The following DIS3L2 variants were observed in gnomAD, a reference collection of about 807,000 sequenced individuals.
The protein encoded by DIS3L2 is DIS3 like 3'-5' exoribonuclease 2.
A neutral mutation model predicts 97.5 loss-of-function variants in DIS3L2; 34 were observed. The observed-to-expected ratio is 0.35, with a 90% confidence interval of 0.27 to 0.46. DIS3L2 has a LOEUF of 0.46. Among genes scored for constraint, DIS3L2 ranks in the 20% least tolerant of loss-of-function variants. DIS3L2 has a pLI of 1.00. For synonymous variants in DIS3L2, 435 were observed against 445.2 expected (o/e 0.98, Z 0.29); for missense variants, 1,038 against 1,146.0 (o/e 0.91, Z 1.36).
intron 5 of DIS3L2, among the ~76,000 whole-genome samples, chr2:232,059,172 A>G (rs1200381757): frequency 6.6e-6 from 1 of 152,226 alleles, no homozygotes; most frequent in Non-Finnish European, 1.5e-5. Context: ...TAATTTTCAG[A>G]AGAATTCTTG....
intron 10 of DIS3L2, among the ~76,000 whole-genome samples, chr2:232,224,784 G>A (rs1214463925): frequency 3.3e-5 from 5 of 151,206 alleles, no homozygotes; most frequent in South Asian, 4.2e-4. Flanking sequence ...GTTGCAGTGC[G>A]TTGAGATTGC....
At chr2:231,992,148 A>C (rs542523227) in intron 1 of DIS3L2, among the ~76,000 whole-genome samples, 1 of 152,300 alleles carries the variant, frequency 6.6e-6, no homozygotes, top group South Asian at 2.1e-4. Context: ...GGTCAAATAG[A>C]TGGAAAACAT....
chr2:232,114,151 C>T (rs974342083), intron 6 of DIS3L2, among the ~76,000 whole-genome samples: 1 of 152,142 alleles, frequency 6.6e-6, no homozygotes, highest in African/African-American at 2.4e-5. Flanking sequence ...CTTAAAATCT[C>T]TGATCCCTGA....
intron 6 of DIS3L2, among the ~76,000 whole-genome samples, chr2:232,106,880 A>G (rs1220010601): frequency 1.3e-5 from 2 of 152,232 alleles, no homozygotes; most frequent in Non-Finnish European, 2.9e-5. Flanking sequence ...AGCAAATGCA[A>G]AAGAACTGAA....
At chr2:232,065,602 T>G (rs1695833352) in intron 5 of DIS3L2, among the ~76,000 whole-genome samples, 1 of 135,396 alleles carries the variant, frequency 7.4e-6, no homozygotes, top group African/African-American at 3.7e-5. Flanking sequence ...TGTAGCTTTG[T>G]AGTAAGCCTT....
intron 1 of DIS3L2, among the ~76,000 whole-genome samples, chr2:231,988,035 G>T (rs763324839): frequency 6.6e-6 from 1 of 152,096 alleles, no homozygotes; most frequent in South Asian, 2.1e-4. Flanking sequence ...TAGAGACAGG[G>T]TTTGTCCATT....
chr2:232,203,665 C>T (rs1019247042), intron 9 of DIS3L2, among the ~76,000 whole-genome samples: 59 of 152,290 alleles, frequency 3.9e-4, no homozygotes, highest in African/African-American at 1.3e-3. Context: ...CCTGTCACAG[C>T]GATAAGACAT....
At chr2:232,018,370 C>A (rs73098566) in intron 3 of DIS3L2, among the ~76,000 whole-genome samples, 9 of 152,284 alleles carry the variant, frequency 5.9e-5, no homozygotes, top group East Asian at 1.9e-4. Context: ...GGGCCTCCCC[C>A]CTACATATGA....
At chr2:232,003,309 A>G (rs1429968982) in intron 1 of DIS3L2, among the ~76,000 whole-genome samples, 1 of 151,974 alleles carries the variant, frequency 6.6e-6, no homozygotes, top group Non-Finnish European at 1.5e-5. Context: ...ACTCCATATC[A>G]TCCTCTGTTT....
At position 232,086,645 on chromosome 2, in the gene DIS3L2, G is replaced by GTGTA. The variant is rs1340121845; in HGVS notation, c.367-841_367-840insGTAT. On this transcript the variant is annotated intron_variant, in intron 5 of 20. Transcript: ENST00000325385. ...TATATATATACACATATATATATAT[G>GTGTA]TATATATATATATATGTGTGTGTGT... Among the ~76,000 whole-genome samples the GTGTA allele has an allele frequency of 1.3e-3, 65 of 51,222 alleles. 3 individuals carry two copies. Among genetic ancestry groups the GTGTA allele is most frequent in the African/African-American group, 5.5e-3 (52 of 9,492 alleles). 33.6% of individuals were successfully genotyped at this position (51,222 alleles called of 152,430 possible). A position where few individuals can be genotyped will look rare whatever the true frequency, so the allele number is the denominator to read the frequency against.
At chr2:232,146,264 A>C (rs1039585072) in intron 8 of DIS3L2, among the ~76,000 whole-genome samples, 12 of 152,286 alleles carry the variant, frequency 7.9e-5, no homozygotes, top group Admixed American at 2.6e-4. Context: ...AACAGTACTA[A>C]GATTTTATTT....
chr2:232,073,303 TG>T, intron 5 of DIS3L2, among the ~76,000 whole-genome samples: 1 of 152,304 alleles, frequency 6.6e-6, no homozygotes, highest in African/African-American at 2.4e-5. Flanking sequence ...CTTCCTGACA[TG>T]CTTTAGCTCT....
At chr2:232,343,515 G>A (rs1430180234) in exon 14 of DIS3L2, 2 of 1,558,666 alleles carry the variant, frequency 1.3e-6, no homozygotes, top group South Asian at 1.2e-5. Flanking sequence ...GCCGTGTATT[G>A]GAAGCAAAGC....
At chr2:232,190,617 A>G (rs1189310227) in intron 9 of DIS3L2, among the ~76,000 whole-genome samples, 1 of 151,938 alleles carries the variant, frequency 6.6e-6, no homozygotes, top group Non-Finnish European at 1.5e-5. Flanking sequence ...AGGAAGGAAG[A>G]AAGGAAGAAA....
At chr2:232,051,445 G>A (rs910786537) in intron 5 of DIS3L2, among the ~76,000 whole-genome samples, 4 of 152,102 alleles carry the variant, frequency 2.6e-5, no homozygotes, top group Non-Finnish European at 5.9e-5. Context: ...AAACTTTTAC[G>A]ACTAGGAAGA....
intron 10 of DIS3L2, among the ~76,000 whole-genome samples, chr2:232,236,259 T>A (rs1261636102): frequency 6.6e-6 from 1 of 152,180 alleles, no homozygotes; most frequent in African/African-American, 2.4e-5. Context: ...AGGAGGATAA[T>A]AAGTAGCTAC....
chr2:232,071,270 C>G (rs759246058), intron 5 of DIS3L2, among the ~76,000 whole-genome samples: 2 of 152,032 alleles, frequency 1.3e-5, no homozygotes, highest in Non-Finnish European at 2.9e-5. Context: ...GCCTATAATC[C>G]CAGCACTTTG....
chr2:232,196,271 T>C (rs1691752177), intron 9 of DIS3L2, among the ~76,000 whole-genome samples: 1 of 152,178 alleles, frequency 6.6e-6, no homozygotes, highest in Non-Finnish European at 1.5e-5. Flanking sequence ...TGGCCTGGTA[T>C]TTTAAACATA....
chr2:232,251,265 T>C (rs547733037), intron 12 of DIS3L2, among the ~76,000 whole-genome samples: 2 of 152,314 alleles, frequency 1.3e-5, no homozygotes, highest in African/African-American at 2.4e-5. Context: ...TTATCACTTA[T>C]ATCTTTAGGG....
Sources: allele counts gnomAD v4.1 joint callset (sites outside exome capture counted in the v4.1 genomes callset), GRCh38; gene constraint gnomAD v4.1.1; transcripts MANE v1.5; gene names NCBI Gene and HGNC (gene_info 2026-07-23, HGNC 2026-07-21).